CFAP99: variants seen among roughly 807,000 people sequenced by gnomAD.
The protein encoded by CFAP99 is cilia- and flagella-associated protein 99.
A neutral mutation model predicts 82.7 loss-of-function variants in CFAP99; 84 were observed. The ratio of observed to expected loss-of-function variants is 1.02; its 90% CI spans 0.85 to 1.22. CFAP99 has a LOEUF of 1.22. Among genes scored for constraint, CFAP99 ranks in the 50% most tolerant of loss-of-function variants. The probability of loss-of-function intolerance (pLI) is 0.00; values close to 1 mark genes in which losing one functional copy is unlikely to be tolerated. For missense variants in CFAP99, 1,059 were observed against 983.5 expected, an observed-to-expected ratio of 1.08 and a Z score of -1.03; for synonymous variants, 456 against 429.5, an observed-to-expected ratio of 1.06 and a Z score of -0.76.
intron 5 of CFAP99, among the ~76,000 whole-genome samples, chr4:2,443,663 A>G (rs1008406842): frequency 6.6e-6 from 1 of 151,860 alleles, no homozygotes; most frequent in Non-Finnish European, 1.5e-5. Flanking sequence ...AAGAGTGCGG[A>G]GTAGGGGTGA....
chr4:2,447,131 T>C (rs1433513244), intron 6 of CFAP99, among the ~76,000 whole-genome samples: 1 of 148,288 alleles, frequency 6.7e-6, no homozygotes. Context: ...AATGGATGGA[T>C]GGATAGATGA....
At chr4:2,428,424 G>A (rs1433221148) in intron 2 of CFAP99, 6 of 152,224 alleles carry the variant, frequency 3.9e-5, no homozygotes, top group Non-Finnish European at 7.3e-5. Context: ...ACTCCCCTGA[G>A]GCTCCCGCGG....
chr4:2,434,529 CGG>C (rs1172294801), intron 2 of CFAP99, among the ~76,000 whole-genome samples: 1 of 152,214 alleles, frequency 6.6e-6, no homozygotes, highest in East Asian at 1.9e-4. Context: ...AAATTTAACA[CGG>C]GGAACCTTGT....
intron 13 of CFAP99, 103 bp from the exon 14 acceptor site, chr4:2,459,934 A>AGGTGGGCAAGG (rs1734575447): frequency 4.1e-6 from 4 of 986,890 alleles, no homozygotes; most frequent in Non-Finnish European, 6.1e-6. Flanking sequence ...AGCAGAGGGA[A>AGGTGGGCAAGG]GGTGGGCAAG....
chr4:2,445,308 C>A, exon 6 of CFAP99: 1 of 1,338,660 alleles, frequency 7.5e-7, no homozygotes, highest in Non-Finnish European at 9.6e-7. Context: ...AGCCGAGACC[C>A]GTGAGTGTGG....
rs533576267 is a variant in CFAP99 at position 2,445,040 on chromosome 4, G to T, written c.465-91G>T. On this transcript the variant is annotated intron_variant, in intron 5 of 14. Coordinates refer to ENST00000635017, the Ensembl canonical transcript of CFAP99. ...CCTCCACCCCAAGGTGGACCCAATC[G>T]CTGCGGGAGCCCTCTGGATCCTAAA... 13 of 979,534 alleles carry T rather than the reference G, an allele frequency of 1.3e-5. No individual in the cohort carries two copies. The South Asian group carries it at 3.9e-4, about 29-fold the overall frequency. 60.7% of individuals were successfully genotyped at this position (979,534 alleles called of 1,614,324 possible). A position where few individuals can be genotyped will look rare whatever the true frequency, so the allele number is the denominator to read the frequency against.
intron 14 of CFAP99, among the ~76,000 whole-genome samples, chr4:2,460,829 A>C (rs1002966374): frequency 2.6e-5 from 4 of 152,134 alleles, no homozygotes; most frequent in African/African-American, 9.7e-5. Context: ...AGCTCACTGC[A>C]ACCTCTGCCT....
intron 2 of CFAP99, among the ~76,000 whole-genome samples, chr4:2,429,693 G>A (rs1031207305): frequency 3.3e-5 from 5 of 151,644 alleles, no homozygotes; most frequent in Non-Finnish European, 5.9e-5. Context: ...CTGGGTTCAC[G>A]CCATTCTCCT....
At chr4:2,433,934 G>A (rs1733853293) in intron 2 of CFAP99, among the ~76,000 whole-genome samples, 1 of 152,230 alleles carries the variant, frequency 6.6e-6, no homozygotes. Context: ...GCCACGGTGA[G>A]GAAGGACGCC....
chr4:2,437,136 T>C, intron 3 of CFAP99, 118 bp downstream of exon 3: 1 of 1,244,230 alleles, frequency 8.0e-7, no homozygotes, highest in Non-Finnish European at 1.1e-6. Context: ...TTCCTGCCCT[T>C]GCACTGGAGG....
chr4:2,449,169 ATAT>A (rs1406174028), intron 6 of CFAP99, among the ~76,000 whole-genome samples: 1 of 151,970 alleles, frequency 6.6e-6, no homozygotes, highest in African/African-American at 2.4e-5. Flanking sequence ...AGCTCCGGCC[ATAT>A]TATCGGAGCC....
At chr4:2,424,239 C>T (rs193137167) in intron 1 of CFAP99, among the ~76,000 whole-genome samples, 1 of 152,122 alleles carries the variant, frequency 6.6e-6, no homozygotes, top group African/African-American at 2.4e-5. Context: ...GCCAACATGG[C>T]GAAATCCTGT....
intron 2 of CFAP99, among the ~76,000 whole-genome samples, chr4:2,431,209 A>T (rs978942058): frequency 3.3e-5 from 5 of 151,756 alleles, no homozygotes; most frequent in Admixed American, 1.3e-4. Flanking sequence ...TCTACTAAAA[A>T]TACAAAAAAA....
At position 2,462,700 on chromosome 4, in the gene CFAP99, G is replaced by C. The variant is rs962853841; in HGVS notation, c.1919G>C (p.Arg640Pro). ...CGCGCAGGGACCGGCGTCCCGGGGC[G>C]GGGATGGCGGGGAGATCGGGTCCGG... Residue 640 changes from arginine to proline, a missense_variant, in exon 15 of 15, where the codon CGG becomes CCG. Coordinates refer to ENST00000635017, the Ensembl canonical transcript of CFAP99. This position sits in a 1 kb window ranked among gnomAD's most constrained non-coding sequence, Gnocchi z 4.1. The C allele has an allele frequency of 8.0e-7, 1 of 1,251,142 alleles. No homozygotes were observed. The highest frequency in any genetic ancestry group is 1.6e-5 in the African/African-American group (1 of 63,526). The allele number at this position is 1,251,142 out of a possible 1,614,324, so 77.5% of individuals were successfully genotyped here.
intron 11 of CFAP99, among the ~76,000 whole-genome samples, chr4:2,455,088 C>G (rs1734397068): frequency 6.6e-6 from 1 of 152,212 alleles, no homozygotes; most frequent in African/African-American, 2.4e-5. Flanking sequence ...TTAGGAGAGA[C>G]ACAGTTTCGC....
At chr4:2,418,972 T>A (rs973080457), upstream of CFAP99, 7 of 152,150 alleles carry the variant, frequency 4.6e-5, no homozygotes, top group African/African-American at 1.4e-4. This position sits in a 1 kb window ranked among gnomAD's most constrained non-coding sequence, Gnocchi z 4.6. Flanking sequence ...AGCCGCGGCG[T>A]CCTGCCTACC....
At position 2,462,780 on chromosome 4, in the gene CFAP99, G is replaced by A; in HGVS notation, c.1999G>A (p.Ala667Thr). The A allele has an allele frequency of 2.4e-6, 3 of 1,275,246 alleles. No homozygotes were observed. Among genetic ancestry groups the A allele is most frequent in the Non-Finnish European group, 3.0e-6 (3 of 1,012,184 alleles). The allele number at this position is 1,275,246 out of a possible 1,614,324, so 79.0% of individuals were successfully genotyped here. A position where few individuals can be genotyped will look rare whatever the true frequency, so the allele number is the denominator to read the frequency against. Residue 667 changes from alanine (A) to threonine (T), a missense_variant, in exon 15 of 15, where the codon GCC (alanine) becomes ACC (threonine). Physicochemically the swap from Ala to Thr is moderately conservative, Grantham distance 58. Transcript: ENST00000635017. This position sits in a 1 kb window ranked among gnomAD's most constrained non-coding sequence, Gnocchi z 4.1. ...CGCGGGAGGCGGTGGGGGCGTCCCT[G>A]CCCGCGCCGACGCGTTCCCCGGCCT...
chr4:2,426,133 G>T (rs1733677824), intron 1 of CFAP99, among the ~76,000 whole-genome samples: 1 of 152,172 alleles, frequency 6.6e-6, no homozygotes, highest in Non-Finnish European at 1.5e-5. Context: ...ATGGCTGTGG[G>T]GCCTGAGGGG....
exon 11 of CFAP99, chr4:2,452,322 G>A (rs1734323746): frequency 6.5e-7 from 1 of 1,534,848 alleles, no homozygotes; most frequent in Admixed American, 2.0e-5. Flanking sequence ...AGAACAAGCA[G>A]AGGGTGGAGC....
Sources: gnomAD v4.1 joint callset for allele counts (sites outside exome capture counted in the v4.1 genomes callset) on GRCh38, gnomAD v4.1.1 for gene constraint, Gnocchi (gnomAD v3.1) non-coding constraint, MANE v1.5 for transcripts, NCBI Gene and HGNC (gene_info 2026-07-23, HGNC 2026-07-21) for gene names.